NTF4: variants seen among roughly 807,000 people sequenced by gnomAD.
The protein encoded by NTF4 is neurotrophin-4.
Under a neutral mutation model 4.4 loss-of-function variants are expected in NTF4, and 2 were observed. That is an observed-to-expected ratio of 0.46 (90% CI 0.19 to 1.44). NTF4 has a LOEUF of 1.44. Ranked by LOEUF, NTF4 falls within the 40% of genes most tolerant of loss-of-function variation. The pLI is 0.26. For missense variants in NTF4, 260 were observed against 293.0 expected, an observed-to-expected ratio of 0.89 and a Z score of 0.82; for synonymous variants, 127 against 122.0, an observed-to-expected ratio of 1.04 and a Z score of -0.27.
downstream of NTF4, among the ~76,000 whole-genome samples, chr19:49,059,768 C>G (rs889843155): frequency 1.3e-5 from 2 of 152,096 alleles, no homozygotes; most frequent in Admixed American, 6.5e-5. Flanking sequence ...CTTTTGATCA[C>G]CGGGCGCAGT....
chr19:49,059,523 G>A (rs1213362229), downstream of NTF4, among the ~76,000 whole-genome samples: 2 of 152,104 alleles, frequency 1.3e-5, no homozygotes, highest in Non-Finnish European at 2.9e-5. Flanking sequence ...TGGCAAAAAC[G>A]ACCAAAGTCA....
upstream of NTF4, among the ~76,000 whole-genome samples, chr19:49,062,216 T>G (rs2040160866): frequency 2.0e-5 from 3 of 152,216 alleles, no homozygotes; most frequent in South Asian, 6.2e-4. Flanking sequence ...GGCCAGGCAC[T>G]GTGCCCCACA....
At chr19:49,058,665 A>C (rs2040096143), downstream of NTF4, 1 of 295,100 alleles carries the variant, frequency 3.4e-6, no homozygotes, top group South Asian at 1.1e-4. Context: ...TGGGTAACGT[A>C]GCTGCTGGTG....
chr19:49,060,036 C>CAAAAACA (rs2040113801), downstream of NTF4, among the ~76,000 whole-genome samples: 6 of 28,420 alleles, frequency 2.1e-4, 1 homozygote, highest in African/African-American at 1.0e-3. Context: ...GACTCCATCT[C>CAAAAACA]AAAAAAAAAA....
upstream of NTF4, chr19:49,062,032 TG>T: frequency 7.0e-7 from 1 of 1,432,152 alleles, no homozygotes. Context: ...AGAGGGAGGC[TG>T]GGATTAGAGA....
upstream of NTF4, among the ~76,000 whole-genome samples, chr19:49,063,322 T>TC (rs1317641332): frequency 6.6e-6 from 1 of 150,432 alleles, no homozygotes; most frequent in East Asian, 2.0e-4. Context: ...CAAAATTTTT[T>TC]TTTTTTTTTT....
chr19:49,061,985 G>T lies in NTF4; in HGVS notation c.13C>A (p.Pro5Thr), dbSNP rs1186497775. The T allele has an allele frequency of 2.3e-5, 34 of 1,472,528 alleles. No homozygotes were observed. The East Asian group carries it at 8.5e-4, about 37-fold the overall frequency. 91.2% of individuals were successfully genotyped at this position (1,472,528 alleles called of 1,614,324 possible). A position where few individuals can be genotyped will look rare whatever the true frequency, so the allele number is the denominator to read the frequency against. Residue 5 changes from proline to threonine, a missense_variant, in exon 1 of 1, where the codon CCC (proline) becomes ACC (threonine). Transcript: ENST00000593537. This position sits in a 1 kb window ranked among gnomAD's most constrained non-coding sequence, Gnocchi z 4.9. ...AGGAGGATGGGGAGGGAGCATGAGGGGAGAGGGAGCATCTCTCGGAGCACC... is the reference window on the plus strand; with the variant it reads ...AGGAGGATGGGGAGGGAGCATGAGGTGAGAGGGAGCATCTCTCGGAGCACC...
chr19:49,064,580 G>T, upstream of NTF4: 1 of 152,384 alleles, frequency 6.6e-6, no homozygotes, highest in Non-Finnish European at 1.4e-5. Flanking sequence ...AGACCCTGGA[G>T]TCCAGGTCCC....
Position 49,061,916 on chromosome 19 carries a change from G to A in NTF4, c.82C>T (p.Pro28Ser). 2 of 1,527,520 alleles carry A rather than the reference G, an allele frequency of 1.3e-6. No individual in the cohort carries two copies. The highest frequency in any genetic ancestry group is 1.7e-4 in the Middle Eastern group (1 of 5,822). 94.6% of individuals were successfully genotyped at this position (1,527,520 alleles called of 1,614,324 possible). A position where few individuals can be genotyped will look rare whatever the true frequency, so the allele number is the denominator to read the frequency against. The change falls in exon 1 of 1, where the codon CCC becomes TCC. Residue 28 changes from proline to serine, a missense_variant. Coordinates refer to ENST00000593537, the Ensembl canonical transcript of NTF4. This position sits in a 1 kb window ranked among gnomAD's most constrained non-coding sequence, Gnocchi z 4.9. ...GCCAGAAAAGGGGGCAATGTTGAGGGTGGGGGTTGGGACTCAATTGGCACA... is the reference window on the plus strand; with the variant it reads ...GCCAGAAAAGGGGGCAATGTTGAGGATGGGGGTTGGGACTCAATTGGCACA...
chr19:49,064,886 T>G (rs2040197953), upstream of NTF4: 1 of 148,526 alleles, frequency 6.7e-6, no homozygotes, highest in African/African-American at 2.5e-5. Context: ...CCCCCGTCCC[T>G]CCCCACCCGA....
downstream of NTF4, among the ~76,000 whole-genome samples, chr19:49,059,959 C>T (rs1272555940): frequency 7.3e-6 from 1 of 136,146 alleles, no homozygotes; most frequent in African/African-American, 2.7e-5. Context: ...ATCACTTCAA[C>T]CCGGGAGGTG....
upstream of NTF4, among the ~76,000 whole-genome samples, chr19:49,063,505 G>A (rs546087656): frequency 6.6e-6 from 1 of 151,964 alleles, no homozygotes; most frequent in African/African-American, 2.4e-5. Flanking sequence ...TTAGAGAAAG[G>A]TCACAACCTG....
Position 49,061,545 on chromosome 19 carries a change from C to G in NTF4, c.453G>C (p.Pro151=), listed in dbSNP as rs374345134. 3 of 1,614,172 alleles carry G rather than the reference C, an allele frequency of 1.9e-6. No individual in the cohort carries two copies. The highest frequency in any genetic ancestry group is 1.3e-5 in the African/African-American group (1 of 75,064). The change falls in exon 1 of 1, where the codon CCG becomes CCC. Residue 151 remains proline, a synonymous_variant. Coordinates refer to ENST00000593537, the Ensembl canonical transcript of NTF4. This position sits in a 1 kb window ranked among gnomAD's most constrained non-coding sequence, Gnocchi z 4.9. ...CCCGGCAGCCCCCTCCACCTGCCCCCGGGCCACCTTCCTCAGCGTTATCAG... is the reference window on the plus strand; with the variant it reads ...CCCGGCAGCCCCCTCCACCTGCCCCGGGGCCACCTTCCTCAGCGTTATCAG...
Position 49,061,258 on chromosome 19 carries a change from T to A in NTF4, c.*107A>T, listed in dbSNP as rs1347975320. The A allele has an allele frequency of 1.3e-6, 2 of 1,549,916 alleles. No individual in the cohort carries two copies. The highest frequency in any genetic ancestry group is 1.7e-6 in the Non-Finnish European group (2 of 1,152,180). On this transcript the variant is annotated 3_prime_UTR_variant, in exon 1 of 1. Coordinates refer to ENST00000593537, the Ensembl canonical transcript of NTF4. This position sits in a 1 kb window ranked among gnomAD's most constrained non-coding sequence, Gnocchi z 4.9. The stretch of plus-strand genomic sequence containing the variant: ...GATTGAGCTCAAAATCAGAGAATTG[T>A]GATTTTGTGATTATTTGATGAGTTC...
At chr19:49,060,071 C>CAAAAAAAAAAAAA (rs1315950477), downstream of NTF4, among the ~76,000 whole-genome samples, 1 of 39,986 alleles carries the variant, frequency 2.5e-5, no homozygotes, top group African/African-American at 1.1e-4. Flanking sequence ...AAAAAAAAAG[C>CAAAAAAAAAAAAA]TTTTGGTCAA....
At chr19:49,060,881 TC>T (rs2040123320), downstream of NTF4, 2 of 178,126 alleles carry the variant, frequency 1.1e-5, no homozygotes, top group African/African-American at 4.8e-5. Flanking sequence ...GAACCCCATC[TC>T]CCAGATACTT....
rs142027939 is a variant in NTF4 at position 49,061,437 on chromosome 19, A to G, written c.561T>C (p.Arg187=). The change falls in exon 1 of 1, where the codon CGT becomes CGC. Residue 187 remains arginine, a synonymous_variant. Coordinates refer to ENST00000593537, the Ensembl canonical transcript of NTF4. The surrounding 1 kb of genome is among the most constrained non-coding windows in gnomAD (Gnocchi z 4.9). ...CAATTCGAATCCATCGCCAGCCCAC[A>G]CGGCCCTGGGCATCAGCGGTCAATG... 3 of 1,613,974 alleles carry G rather than the reference A, an allele frequency of 1.9e-6. No individual in the cohort carries two copies. The highest frequency in any genetic ancestry group is 2.7e-5 in the African/African-American group (2 of 75,030).
chr19:49,064,044 G>A (rs1170410255), upstream of NTF4: 1 of 153,802 alleles, frequency 6.5e-6, no homozygotes, highest in Non-Finnish European at 1.4e-5. Flanking sequence ...GGAAGCAGAT[G>A]GAGGGAGGGG....
downstream of NTF4, among the ~76,000 whole-genome samples, chr19:49,059,906 G>A (rs944098151): frequency 6.6e-5 from 10 of 151,510 alleles, no homozygotes; most frequent in East Asian, 1.9e-4. Context: ...AAAAGTAGCC[G>A]GGCGTGGTGG....
Sources: allele counts gnomAD v4.1 joint callset (sites outside exome capture counted in the v4.1 genomes callset), GRCh38; gene constraint gnomAD v4.1.1; non-coding constraint Gnocchi (gnomAD v3.1); transcripts MANE v1.5; gene names NCBI Gene and HGNC (gene_info 2026-07-23, HGNC 2026-07-21).